SLC25A12: variants seen among roughly 807,000 people sequenced by gnomAD.
SLC25A12 encodes the protein solute carrier family 25 member 12.
A neutral mutation model predicts 83.3 loss-of-function variants in SLC25A12; 32 were observed. The ratio of observed to expected loss-of-function variants is 0.38; its 90% CI spans 0.29 to 0.52. The LOEUF is 0.52. Ranked by LOEUF, SLC25A12 falls within the 20% of genes least tolerant of loss-of-function variation. The pLI, the probability that SLC25A12 is intolerant of heterozygous loss-of-function variation, is 0.84. For missense variants in SLC25A12, 611 were observed against 835.6 expected (o/e 0.73, Z 3.31); for synonymous variants, 267 against 291.1 (o/e 0.92, Z 0.84).
In SLC25A12 at chr2:171,815,980, A is replaced by G. The variant is rs531854778; in HGVS notation, c.931-778T>C. On this transcript the variant is annotated intron_variant, in intron 9 of 17. Transcript: ENST00000422440. ...ACACATAAGATGTATTTTAAAGTAT[A>G]TACAAAAATAGAAATTATAGAATGA... is the stretch of plus-strand genomic sequence containing the variant. Among the ~76,000 whole-genome samples the G allele has an allele frequency of 9.6e-4, 146 of 152,038 alleles. 1 individual carries two copies. Among genetic ancestry groups the G allele is most frequent in the African/African-American group, 3.4e-3 (142 of 41,526 alleles).
intron 13 of SLC25A12, among the ~76,000 whole-genome samples, chr2:171,806,746 T>A (rs12692974): frequency 6.6e-6 from 1 of 152,038 alleles, no homozygotes; most frequent in African/African-American, 2.4e-5. Flanking sequence ...TAGGTTAATG[T>A]ATTAGGTGCA....
At chr2:171,879,674 T>G (rs1029914347) in intron 2 of SLC25A12, among the ~76,000 whole-genome samples, 1 of 152,192 alleles carries the variant, frequency 6.6e-6, no homozygotes, top group Non-Finnish European at 1.5e-5. Flanking sequence ...TTAGTCTAAG[T>G]AACCATGGGA....
intron 8 of SLC25A12, among the ~76,000 whole-genome samples, chr2:171,827,703 T>C (rs1389205347): frequency 6.6e-6 from 1 of 152,226 alleles, no homozygotes. Context: ...TTGTCTTCTA[T>C]TGCTTTGTTT....
At chr2:171,844,304 A>AAATAC (rs1354975669) in intron 5 of SLC25A12, 65 bp downstream of exon 5, 59 of 1,528,486 alleles carry the variant, frequency 3.9e-5, no homozygotes, top group Non-Finnish European at 5.1e-5. Context: ...TAAACTTAAT[A>AAATAC]AATACAAAGC....
chr2:171,789,429 C>T (rs530745734), intron 15 of SLC25A12, among the ~76,000 whole-genome samples: 101 of 152,182 alleles, frequency 6.6e-4, no homozygotes, highest in Middle Eastern at 3.4e-3. Flanking sequence ...GGGGTTTCAC[C>T]GTGTTAGCCA....
intron 3 of SLC25A12, among the ~76,000 whole-genome samples, chr2:171,864,545 A>C (rs1685242189): frequency 6.6e-6 from 1 of 152,202 alleles, no homozygotes; most frequent in African/African-American, 2.4e-5. Flanking sequence ...TGCCACAGCC[A>C]CATCAAAGTA....
intron 5 of SLC25A12, among the ~76,000 whole-genome samples, chr2:171,842,147 T>C (rs1339564858): frequency 6.6e-6 from 1 of 152,018 alleles, no homozygotes; most frequent in Non-Finnish European, 1.5e-5. Flanking sequence ...AGCTGATGAA[T>C]GGATAGACAA....
chr2:171,879,299 T>TA (rs148129233), intron 2 of SLC25A12, among the ~76,000 whole-genome samples: 1,694 of 152,254 alleles, frequency 0.011, 33 homozygotes, highest in African/African-American at 0.039. Context: ...CTGATTTTGC[T>TA]AAAAAAATAT....
intron 8 of SLC25A12, among the ~76,000 whole-genome samples, chr2:171,828,269 T>A (rs1242117942): frequency 6.6e-6 from 1 of 152,240 alleles, no homozygotes; most frequent in Non-Finnish European, 1.5e-5. Context: ...CTCTTTTCTA[T>A]CTTTCCTAGT....
chr2:171,873,089 T>C (rs529520909), intron 2 of SLC25A12, among the ~76,000 whole-genome samples: 2 of 152,012 alleles, frequency 1.3e-5, no homozygotes, highest in African/African-American at 2.4e-5. Context: ...GATGGCAACA[T>C]AAAAGGTGAG....
intron 14 of SLC25A12, 67 bp from the exon 15 acceptor site, chr2:171,791,656 A>G (rs1036078678): frequency 4.1e-6 from 6 of 1,464,186 alleles, no homozygotes; most frequent in Non-Finnish European, 5.8e-6. Context: ...AATGGGATCC[A>G]TGTGACATTT....
At chr2:171,864,113 C>A (rs1685229946) in intron 3 of SLC25A12, among the ~76,000 whole-genome samples, 1 of 152,190 alleles carries the variant, frequency 6.6e-6, no homozygotes, top group African/African-American at 2.4e-5. Context: ...GCATGCGAGT[C>A]TTGTCCCATT....
rs761108884 is a variant in SLC25A12 at position 171,785,291 on chromosome 2, C to G, written c.2020G>C (p.Val674Leu). The G allele has an allele frequency of 1.9e-6, 3 of 1,614,182 alleles. No individual in the cohort carries two copies. The highest frequency in any genetic ancestry group is 1.3e-5 in the African/African-American group (1 of 75,050). Residue 674 changes from valine to leucine, a missense_variant, in exon 18 of 18, where the codon GTG becomes CTG. Around this residue, in one of 3 missense-constraint regions of SLC25A12, gnomAD observed 37 missense variants for 35.1 expected, o/e 1.05. Coordinates refer to ENST00000422440, the MANE Select transcript of SLC25A12 (RefSeq NM_003705.5). Reference protein sequence around the residue: ...SVAVVQPKAAVAATQ With the variant: ...SVAVVQPKAALAATQ ...TTGTCTCATCACTGAGTGGCTGCCA[C>G]TGCTGCCTTTGGCTGAACCACAGCA... is the stretch of plus-strand genomic sequence containing the variant.
intron 5 of SLC25A12, among the ~76,000 whole-genome samples, chr2:171,837,735 T>C (rs1175547879): frequency 6.6e-6 from 1 of 152,220 alleles, no homozygotes; most frequent in African/African-American, 2.4e-5. Flanking sequence ...TCTGTCATTC[T>C]ATAAATGAAT....
chr2:171,856,411 A>AC (rs1351502690), intron 3 of SLC25A12, among the ~76,000 whole-genome samples: 1 of 152,146 alleles, frequency 6.6e-6, no homozygotes, highest in Non-Finnish European at 1.5e-5. Context: ...TGCCAAATAT[A>AC]CCCTGGTGAG....
intron 9 of SLC25A12, among the ~76,000 whole-genome samples, chr2:171,815,706 A>G (rs193129360): frequency 1.6e-4 from 25 of 152,264 alleles, no homozygotes; most frequent in Admixed American, 1.6e-3. Context: ...TAACATAAAA[A>G]TCTATAATAA....
At chr2:171,793,118 GGTTT>G (rs933949107) in intron 14 of SLC25A12, among the ~76,000 whole-genome samples, 2 of 149,246 alleles carry the variant, frequency 1.3e-5, no homozygotes, top group Non-Finnish European at 3.0e-5. Context: ...CTCTGTTGTT[GGTTT>G]GTTTTTTTTT....
chr2:171,889,991 T>C (rs1574011373), intron 2 of SLC25A12, among the ~76,000 whole-genome samples: 1 of 152,358 alleles, frequency 6.6e-6, no homozygotes, highest in East Asian at 1.9e-4. Flanking sequence ...CACTATGATG[T>C]AAGAAGCCAA....
intron 8 of SLC25A12, among the ~76,000 whole-genome samples, chr2:171,830,266 C>T (rs536033486): frequency 6.6e-6 from 1 of 152,178 alleles, no homozygotes; most frequent in South Asian, 2.1e-4. Context: ...ATGTATAAGC[C>T]CTATAATCTT....
Sources: gnomAD v4.1 joint callset for allele counts (sites outside exome capture counted in the v4.1 genomes callset) on GRCh38, gnomAD v4.1.1 for gene constraint, gnomAD v4.1.1 regional missense constraint, MANE v1.5 for transcripts, NCBI Gene and HGNC (gene_info 2026-07-23, HGNC 2026-07-21) for gene names.